SH3GL3: variants seen among roughly 807,000 people sequenced by gnomAD.
SH3GL3 encodes the protein SH3 domain containing GRB2 like 3, endophilin A3.
A neutral mutation model predicts 47.7 loss-of-function variants in SH3GL3; 33 were observed. The observed-to-expected ratio is 0.69, with a 90% CI of 0.52 to 0.92. The LOEUF (loss-of-function observed/expected upper bound fraction) is 0.92. Among genes scored for constraint, SH3GL3 ranks in the 40% least tolerant of loss-of-function variants. The pLI is 0.00. For synonymous variants in SH3GL3, 155 were observed against 148.8 expected (o/e 1.04, Z -0.30); for missense variants, 363 against 417.8 (o/e 0.87, Z 1.14).
intron 1 of SH3GL3, among the ~76,000 whole-genome samples, chr15:83,511,934 A>G (rs2042773440): frequency 1.3e-5 from 2 of 152,140 alleles, no homozygotes; most frequent in Non-Finnish European, 2.9e-5. Flanking sequence ...TGACACTTGG[A>G]ACAATACTGG....
intron 1 of SH3GL3, among the ~76,000 whole-genome samples, chr15:83,520,315 T>G (rs1049717018): frequency 2.6e-5 from 4 of 152,170 alleles, no homozygotes; most frequent in Admixed American, 2.6e-4. Flanking sequence ...AAATATCCTT[T>G]GAAGAGATAG....
chr15:83,627,396 CAAA>C, the SH3GL3 span, among the ~76,000 whole-genome samples: 7 of 75,340 alleles, frequency 9.3e-5, no homozygotes, highest in Non-Finnish European at 1.4e-4. Context: ...GATGCCGTCT[CAAA>C]AAAAAAAAAA....
At position 83,547,075 on chromosome 15, in the gene SH3GL3, C is replaced by T. The variant is rs754409861; in HGVS notation, c.46-12178C>T. ...TCTATTAATAAAGTTTCCTGGGTTG[C>T]ATGCACCCCAGTTCCACTGGCTGTA... On this transcript the variant is annotated intron_variant, in intron 1 of 8. Transcript: ENST00000427482. Among the ~76,000 whole-genome samples, 245 of 152,202 alleles carry T rather than the reference C, an allele frequency of 1.6e-3. 3 individuals are homozygous for T. The highest frequency in any genetic ancestry group is 2.7e-3 in the Non-Finnish European group (184 of 68,028).
intron 8 of SH3GL3, among the ~76,000 whole-genome samples, chr15:83,612,187 A>G (rs1299050880): frequency 1.3e-5 from 2 of 152,192 alleles, no homozygotes; most frequent in Non-Finnish European, 2.9e-5. Flanking sequence ...GAAATTCCCT[A>G]TCAGGGCTGT....
intron 1 of SH3GL3, among the ~76,000 whole-genome samples, chr15:83,506,869 G>C (rs1269005562): frequency 6.6e-6 from 1 of 152,044 alleles, no homozygotes; most frequent in Non-Finnish European, 1.5e-5. Flanking sequence ...CCAAGGAGTG[G>C]CTGAAGGCTG....
chr15:83,632,288 C>T, the SH3GL3 span, among the ~76,000 whole-genome samples: 3,125 of 152,272 alleles, frequency 0.021, 62 homozygotes, highest in Non-Finnish European at 0.029. Flanking sequence ...TGCCTGTTAC[C>T]CAGTTCCAAA....
At chr15:83,560,889 A>G (rs2045234127) in intron 2 of SH3GL3, among the ~76,000 whole-genome samples, 1 of 152,218 alleles carries the variant, frequency 6.6e-6, no homozygotes, top group African/African-American at 2.4e-5. Flanking sequence ...ACTAAATTAA[A>G]AAAGCTTTTT....
intron 1 of SH3GL3, among the ~76,000 whole-genome samples, chr15:83,497,973 A>G (rs947823502): frequency 3.3e-5 from 5 of 152,056 alleles, no homozygotes; most frequent in African/African-American, 7.2e-5. Flanking sequence ...TCTCTGTCCA[A>G]CTTTTTAAAA....
chr15:83,489,481 G>A (rs776605626), intron 1 of SH3GL3, among the ~76,000 whole-genome samples: 57 of 152,174 alleles, frequency 3.7e-4, no homozygotes, highest in Middle Eastern at 6.8e-3. Flanking sequence ...CCCACCTCCC[G>A]TGGGAACTGT....
intron 1 of SH3GL3, among the ~76,000 whole-genome samples, chr15:83,533,250 AGAATAT>A (rs1333228931): frequency 1.5e-4 from 23 of 152,210 alleles, no homozygotes; most frequent in African/African-American, 3.9e-4. Flanking sequence ...GTTACATTCT[AGAATAT>A]GAAAGGCTTG....
chr15:83,449,505 C>G (rs1463508304), intron 1 of SH3GL3, among the ~76,000 whole-genome samples: 6 of 152,120 alleles, frequency 3.9e-5, no homozygotes, highest in Non-Finnish European at 1.5e-5. Context: ...ATGGACTTCA[C>G]AGGGGCAAAT....
intron 5 of SH3GL3, 48 bp from the exon 6 acceptor site, chr15:83,576,535 G>C: frequency 6.6e-7 from 1 of 1,519,722 alleles, no homozygotes; most frequent in Admixed American, 2.2e-5. Flanking sequence ...TTTTGTGCCA[G>C]GTTTTGAATG....
intron 8 of SH3GL3, among the ~76,000 whole-genome samples, chr15:83,598,513 A>T (rs964047105): frequency 2.6e-5 from 4 of 152,212 alleles, no homozygotes; most frequent in Admixed American, 2.6e-4. Flanking sequence ...GGGATTTGGT[A>T]CATGAAAGGA....
chr15:83,501,305 A>G (rs1350872180), intron 1 of SH3GL3, among the ~76,000 whole-genome samples: 2 of 152,244 alleles, frequency 1.3e-5, no homozygotes, highest in Non-Finnish European at 2.9e-5. Flanking sequence ...AAGTTATGCC[A>G]TATTTCATAC....
chr15:83,590,626 A>G (rs1364073083), intron 8 of SH3GL3, among the ~76,000 whole-genome samples: 1 of 152,158 alleles, frequency 6.6e-6, no homozygotes, highest in Non-Finnish European at 1.5e-5. Context: ...TAGGTGTGTA[A>G]TTAATCTTAC....
At chr15:83,462,163 G>C (rs2040331740) in intron 1 of SH3GL3, among the ~76,000 whole-genome samples, 1 of 152,106 alleles carries the variant, frequency 6.6e-6, no homozygotes, top group Admixed American at 6.5e-5. Context: ...CTGATATGTG[G>C]GCCACACAGA....
intron 1 of SH3GL3, among the ~76,000 whole-genome samples, chr15:83,513,912 C>CTTA (rs1472588996): frequency 6.6e-6 from 1 of 152,178 alleles, no homozygotes; most frequent in Non-Finnish European, 1.5e-5. Context: ...TGGCATAGCT[C>CTTA]TTATCCTAGA....
rs553118566 is a variant in SH3GL3 at position 83,479,037 on chromosome 15, T to C, written c.45+31459T>C. 3.9e-5 allele frequency among the ~76,000 whole-genome samples: 6 copies of C among 152,340 alleles called. No individual in the cohort carries two copies. The East Asian group carries it at 1.2e-3, about 29-fold the overall frequency. On this transcript the variant is annotated intron_variant, in intron 1 of 8. Coordinates refer to ENST00000427482, the MANE Select transcript of SH3GL3 (RefSeq NM_003027.5). ...GAACGCCTGCTTGGGTGATGACTTA[T>C]GTCTCTCAAATCCTCTCTACCCCTC...
chr15:83,525,956 A>G (rs2043402716), intron 1 of SH3GL3, among the ~76,000 whole-genome samples: 1 of 152,124 alleles, frequency 6.6e-6, no homozygotes, highest in Non-Finnish European at 1.5e-5. Context: ...AGGTAGTGTG[A>G]TGCTTCTAGC....
Sources: allele counts gnomAD v4.1 joint callset (sites outside exome capture counted in the v4.1 genomes callset), GRCh38; gene constraint gnomAD v4.1.1; transcripts MANE v1.5; gene names NCBI Gene and HGNC (gene_info 2026-07-23, HGNC 2026-07-21).